FAM168B: variants seen among roughly 807,000 people sequenced by gnomAD.
The protein encoded by FAM168B is family with sequence similarity 168 member B.
A neutral mutation model predicts 21.8 loss-of-function variants in FAM168B; 19 were observed. The observed-to-expected ratio is 0.87, with a 90% CI of 0.61 to 1.28. The LOEUF is 1.28. Among genes scored for constraint, FAM168B ranks in the 50% most tolerant of loss-of-function variants. The pLI, the probability that FAM168B is intolerant of heterozygous loss-of-function variation, is 0.00. For synonymous variants in FAM168B, 126 were observed against 104.8 expected (o/e 1.20, Z -1.24); for missense variants, 233 against 263.1 (o/e 0.89, Z 0.79).
At chr2:131,058,291 A>G (rs376721577) in intron 3 of FAM168B, among the ~76,000 whole-genome samples, 4 of 152,102 alleles carry the variant, frequency 2.6e-5, no homozygotes, top group African/African-American at 9.7e-5. Context: ...TCACCTAAAT[A>G]CTGCACACTG....
intron 2 of FAM168B, among the ~76,000 whole-genome samples, chr2:131,072,794 T>G (rs1692942124): frequency 6.6e-6 from 1 of 152,158 alleles, no homozygotes; most frequent in Non-Finnish European, 1.5e-5. Context: ...TTCCAAACTC[T>G]AATCACATAA....
intron 2 of FAM168B, among the ~76,000 whole-genome samples, chr2:131,076,648 G>A (rs1376045983): frequency 6.2e-5 from 8 of 128,176 alleles, no homozygotes; most frequent in East Asian, 2.3e-4. Context: ...GCAAGACTCC[G>A]TCTTAAAAAA....
intron 3 of FAM168B, among the ~76,000 whole-genome samples, chr2:131,065,295 A>AT (rs138809194): frequency 0.014 from 2,189 of 152,298 alleles, 55 homozygotes; most frequent in African/African-American, 0.049. Context: ...GCTATTGTTC[A>AT]TTTTTAAAAG....
At chr2:131,072,812 G>A (rs941249069) in intron 2 of FAM168B, among the ~76,000 whole-genome samples, 5 of 152,102 alleles carry the variant, frequency 3.3e-5, no homozygotes, top group African/African-American at 1.2e-4. Flanking sequence ...TAATTACTTA[G>A]CAAGAGTAGT....
At chr2:131,068,031 C>G (rs1247597436) in intron 3 of FAM168B, among the ~76,000 whole-genome samples, 1 of 152,070 alleles carries the variant, frequency 6.6e-6, no homozygotes, top group African/African-American at 2.4e-5. Flanking sequence ...ACCACAAGAC[C>G]CCCATCTCTT....
intron 2 of FAM168B, among the ~76,000 whole-genome samples, chr2:131,078,691 G>C (rs1284280357): frequency 6.6e-6 from 1 of 152,126 alleles, no homozygotes; most frequent in Non-Finnish European, 1.5e-5. Context: ...ATTTCAAAGA[G>C]GCAAAAATTA....
At chr2:131,076,961 C>T (rs1016261190) in intron 2 of FAM168B, among the ~76,000 whole-genome samples, 2 of 151,816 alleles carry the variant, frequency 1.3e-5, no homozygotes, top group African/African-American at 4.8e-5. Context: ...GTGGGGAAAT[C>T]GTCTCACACT....
intron 2 of FAM168B, among the ~76,000 whole-genome samples, chr2:131,077,212 TAAA>T (rs34175924): frequency 3.8e-5 from 5 of 130,246 alleles, no homozygotes; most frequent in Non-Finnish European, 5.0e-5. Flanking sequence ...CTATTACATT[TAAA>T]AAAAAAAAAA....
At chr2:131,066,719 T>G (rs1172734335) in intron 3 of FAM168B, among the ~76,000 whole-genome samples, 1 of 152,176 alleles carries the variant, frequency 6.6e-6, no homozygotes, top group Non-Finnish European at 1.5e-5. Flanking sequence ...AAGGAGTTAT[T>G]TATTCATTAT....
At chr2:131,085,429 A>T (rs1048624591) in intron 1 of FAM168B, among the ~76,000 whole-genome samples, 50 of 152,194 alleles carry the variant, frequency 3.3e-4, no homozygotes, top group African/African-American at 1.2e-3. Flanking sequence ...ATCAATAACA[A>T]CATCTGGTAC....
chr2:131,062,359 G>A (rs1418119445), intron 3 of FAM168B, among the ~76,000 whole-genome samples: 6 of 152,174 alleles, frequency 3.9e-5, no homozygotes, highest in African/African-American at 1.4e-4. Flanking sequence ...GCCCACCTAC[G>A]ATGTCTTCCT....
intron 1 of FAM168B, among the ~76,000 whole-genome samples, chr2:131,090,285 C>T (rs1456751210): frequency 3.4e-5 from 5 of 148,176 alleles, no homozygotes; most frequent in African/African-American, 1.3e-4. Flanking sequence ...TGCCACTGCA[C>T]TCCAGCCTGG....
chr2:131,064,655 G>T (rs1224402406), intron 3 of FAM168B, among the ~76,000 whole-genome samples: 1 of 152,144 alleles, frequency 6.6e-6, no homozygotes, highest in Non-Finnish European at 1.5e-5. Flanking sequence ...TCTCCCAGGT[G>T]GTTACTGAAG....
At chr2:131,072,818 G>A (rs1381393581) in intron 2 of FAM168B, among the ~76,000 whole-genome samples, 1 of 152,172 alleles carries the variant, frequency 6.6e-6, no homozygotes, top group Non-Finnish European at 1.5e-5. Context: ...CTTAGCAAGA[G>A]TAGTAAGAGT....
Position 131,052,224 on chromosome 2 carries a change from T to C in FAM168B, c.*241A>G. 3 of 985,872 alleles carry C rather than the reference T, an allele frequency of 3.0e-6. No homozygotes were observed. Among genetic ancestry groups the C allele is most frequent in the Non-Finnish European group, 3.6e-6 (3 of 829,926 alleles). 61.1% of individuals were successfully genotyped at this position (985,872 alleles called of 1,614,324 possible). On this transcript the variant is annotated 3_prime_UTR_variant, in exon 7 of 7. Coordinates refer to ENST00000389915, the MANE Select transcript of FAM168B (RefSeq NM_001009993.4). ...TAGATTAATACTCCCTTTTTATCATTACAGTTAGCTAAAAAATTGCCAGGC... is the reference window on the plus strand; with the variant it reads ...TAGATTAATACTCCCTTTTTATCATCACAGTTAGCTAAAAAATTGCCAGGC...
intron 3 of FAM168B, among the ~76,000 whole-genome samples, chr2:131,069,630 A>C (rs1373687044): frequency 1.3e-5 from 2 of 151,562 alleles, no homozygotes; most frequent in Non-Finnish European, 2.9e-5. Context: ...AGTAGCTGGG[A>C]CTACAGGAGC....
At chr2:131,072,822 T>C (rs1271777429) in intron 2 of FAM168B, among the ~76,000 whole-genome samples, 1 of 152,176 alleles carries the variant, frequency 6.6e-6, no homozygotes, top group Admixed American at 6.5e-5. Flanking sequence ...GCAAGAGTAG[T>C]AAGAGTGCTA....
At chr2:131,079,839 C>T (rs917138652) in intron 2 of FAM168B, among the ~76,000 whole-genome samples, 11 of 151,972 alleles carry the variant, frequency 7.2e-5, no homozygotes, top group African/African-American at 2.7e-4. Context: ...AAATGTGGCT[C>T]GGAGCAGTGG....
chr2:131,072,068 T>G, intron 2 of FAM168B, 130 bp from the exon 3 acceptor site: 1 of 720,868 alleles, frequency 1.4e-6, no homozygotes, highest in Non-Finnish European at 2.4e-6. Flanking sequence ...AAGAGCACTA[T>G]GTGTGGCCAA....
Sources: allele counts gnomAD v4.1 joint callset (sites outside exome capture counted in the v4.1 genomes callset), GRCh38; gene constraint gnomAD v4.1.1; transcripts MANE v1.5; gene names NCBI Gene and HGNC (gene_info 2026-07-23, HGNC 2026-07-21).